ANKRD36C: variants seen among roughly 807,000 people sequenced by gnomAD.
ANKRD36C encodes the protein ankyrin repeat domain 36C.
In ANKRD36C, 61 loss-of-function variants were observed where a neutral mutation model predicts 276.4. The ratio of observed to expected loss-of-function variants is 0.22; its 90% CI spans 0.18 to 0.27. The LOEUF (loss-of-function observed/expected upper bound fraction) is 0.27. Ranked by LOEUF, ANKRD36C falls within the 10% of genes least tolerant of loss-of-function variation. The probability of loss-of-function intolerance (pLI) is 1.00; values close to 1 mark genes in which losing one functional copy is unlikely to be tolerated. For missense variants in ANKRD36C, 1,447 were observed against 2,032.3 expected (o/e 0.71, Z 5.54); for synonymous variants, 483 against 680.1 (o/e 0.71, Z 4.51).
At chr2:95,868,446 CTTCTT>C (rs1164676667) in intron 59 of ANKRD36C, among the ~76,000 whole-genome samples, 1 of 152,104 alleles carries the variant, frequency 6.6e-6, no homozygotes, top group Non-Finnish European at 1.5e-5. Flanking sequence ...ACCTATTTGT[CTTCTT>C]TTATTTCATC....
chr2:95,924,570 C>T (rs1045572006), intron 30 of ANKRD36C, among the ~76,000 whole-genome samples: 3 of 151,536 alleles, frequency 2.0e-5, no homozygotes, highest in African/African-American at 4.8e-5. Context: ...AGAATTTTCA[C>T]TAAATAGCTA....
exon 19 of ANKRD36C, chr2:95,944,630 A>G (rs1406796139): frequency 6.5e-7 from 1 of 1,537,170 alleles, no homozygotes; most frequent in East Asian, 2.4e-5. Flanking sequence ...CATTTACCTT[A>G]TCAACATTTT....
At position 95,926,542 on chromosome 2, in the gene ANKRD36C, T is replaced by C. The variant is rs143341357; in HGVS notation, c.1939+672A>G. On this transcript the variant is annotated intron_variant, in intron 28 of 66. Transcript: ENST00000456556. The stretch of plus-strand genomic sequence containing the variant: ...ATTTGAATAACTAATATCAACAAAA[T>C]GTATATCTCTGATGCCCAACAGTAA... Among the ~76,000 whole-genome samples the C allele has an allele frequency of 0.015, 2,291 of 151,646 alleles. 150 individuals are homozygous for C. The East Asian group carries it at 0.16, about 11-fold the overall frequency.
At chr2:95,886,958 T>C (rs1387524027) in intron 50 of ANKRD36C, among the ~76,000 whole-genome samples, 1 of 151,688 alleles carries the variant, frequency 6.6e-6, no homozygotes, top group Non-Finnish European at 1.5e-5. Context: ...AATTTTGACA[T>C]AATTCTACTA....
chr2:95,947,996 A>G (rs1416752526), intron 17 of ANKRD36C, among the ~76,000 whole-genome samples: 1 of 152,094 alleles, frequency 6.6e-6, no homozygotes, highest in African/African-American at 2.4e-5. Context: ...AAATATATAG[A>G]ACCAAGAATA....
In ANKRD36C at chr2:95,897,191, C is replaced by A; in HGVS notation, c.2755+1954G>T. 4 of 1,153,154 alleles carry A rather than the reference C, an allele frequency of 3.5e-6. 1 individual carries two copies. Among genetic ancestry groups the A allele is most frequent in the East Asian group, 2.7e-5 (1 of 37,056 alleles). 71.4% of individuals were successfully genotyped at this position (1,153,154 alleles called of 1,614,324 possible). On this transcript the variant is annotated intron_variant, in intron 44 of 66. Coordinates refer to ENST00000456556, the Ensembl canonical transcript of ANKRD36C. ...ATCAGAATGTGCAGCTTCAACGAGC[C>A]CCCCGCTGATTTATTCACGGAAGAG...
chr2:95,914,373 T>C lies in ANKRD36C; in HGVS notation c.2450-70A>G, dbSNP rs187691038. 36 of 1,514,136 alleles carry C rather than the reference T, an allele frequency of 2.4e-5. No individual in the cohort carries two copies. In the East Asian group the frequency reaches 7.1e-4, roughly 30 times the overall value. 93.8% of individuals were successfully genotyped at this position (1,514,136 alleles called of 1,614,324 possible). A position where few individuals can be genotyped will look rare whatever the true frequency, so the allele number is the denominator to read the frequency against. ...CAAAATTATCCATACATTCATGCAG[T>C]GTTAGCATCAACCTCTGTCTTCCTG... On this transcript the variant is annotated intron_variant, in intron 38 of 66. Transcript: ENST00000456556.
chr2:95,857,420 T>C lies in ANKRD36C; in HGVS notation c.3969A>G (p.Leu1323=), dbSNP rs1196134182. 3 of 1,609,006 alleles carry C rather than the reference T, an allele frequency of 1.9e-6. No homozygotes were observed. The South Asian group carries it at 3.3e-5, about 18-fold the overall frequency. The change falls in exon 62 of 67, where the codon TTA becomes TTG. Residue 1323 remains leucine (L), a synonymous_variant. Coordinates refer to ENST00000456556, the Ensembl canonical transcript of ANKRD36C. ...TCCTATATTGCTCTTCTGTGATTCT[T>C]AACTTTTCCCTAACTTTTTGGTGCA...
rs554859715 is a variant in ANKRD36C at position 95,928,441 on chromosome 2, G to A, written c.1837+631C>T. 1.1e-4 allele frequency among the ~76,000 whole-genome samples: 16 copies of A among 151,560 alleles called. No homozygotes were observed. In the East Asian group the frequency reaches 1.2e-3, roughly 11 times the overall value. Reference sequence around the variant, plus strand: ...GTAATGAGTCACTGTGGTTTATCCCGATTCTAGCACTCTTTCCTGCTTCCA... The same window carrying A: ...GTAATGAGTCACTGTGGTTTATCCCAATTCTAGCACTCTTTCCTGCTTCCA... On this transcript the variant is annotated intron_variant, in intron 26 of 66. Transcript: ENST00000456556.
chr2:95,893,675 T>C lies in ANKRD36C; in HGVS notation c.2756-1815A>G, dbSNP rs545671374. On this transcript the variant is annotated intron_variant, in intron 44 of 66. Transcript: ENST00000456556. ...AGACCATACATTAACTCGTTCACAA[T>C]ATAAATGAGAGTTTCATTACCTTCA... 15 of 1,603,562 alleles carry C rather than the reference T, an allele frequency of 9.4e-6. No homozygotes were observed. In the South Asian group the frequency reaches 1.1e-4, roughly 12 times the overall value.
chr2:95,906,343 C>T (rs1676757791), intron 42 of ANKRD36C, among the ~76,000 whole-genome samples: 1 of 105,640 alleles, frequency 9.5e-6, no homozygotes, highest in Non-Finnish European at 2.0e-5. Flanking sequence ...TGAAAAGATG[C>T]TCCAGAAATA....
Position 95,871,407 on chromosome 2 carries a change from T to A in ANKRD36C, c.3541-3826A>T, listed in dbSNP as rs369433913. Among the ~76,000 whole-genome samples the A allele has an allele frequency of 4.4e-4, 67 of 152,146 alleles. 1 individual carries two copies. The East Asian group carries it at 9.1e-3, about 21-fold the overall frequency. ...ATTTTCAACCCAGAATTTCATATCC[T>A]GCCAAACTAAGCTTCATAAGTGAAG... is the stretch of plus-strand genomic sequence containing the variant. On this transcript the variant is annotated intron_variant, in intron 59 of 66. Coordinates refer to ENST00000456556, the Ensembl canonical transcript of ANKRD36C.
In ANKRD36C at chr2:95,903,245, T is replaced by G. The variant is rs181677662; in HGVS notation, c.2654-3909A>C. Among the ~76,000 whole-genome samples, 4 of 150,714 alleles carry G rather than the reference T, an allele frequency of 2.7e-5. 1 individual carries two copies. Among genetic ancestry groups the G allele is most frequent in the African/African-American group, 9.7e-5 (4 of 41,204 alleles). ...GGACTAGAACATGACGGAAATATGC[T>G]GAGAAAAGGGAATACAGGCTCCACG... On this transcript the variant is annotated intron_variant, in intron 42 of 66. Transcript: ENST00000456556.
intron 40 of ANKRD36C, among the ~76,000 whole-genome samples, 184 bp downstream of exon 42, chr2:95,913,924 C>T (rs929397974): frequency 6.6e-6 from 1 of 151,440 alleles, no homozygotes; most frequent in Non-Finnish European, 1.5e-5. Context: ...TATAATCTTA[C>T]AGCGAAGATG....
intron 20 of ANKRD36C, 82 bp downstream of exon 20, chr2:95,941,078 C>A: frequency 7.6e-7 from 1 of 1,311,036 alleles, no homozygotes; most frequent in Non-Finnish European, 9.7e-7. Flanking sequence ...CACTACCTCA[C>A]CACCTTTGTT....
chr2:95,927,263 A>G (rs1232073493), exon 28 of ANKRD36C: 1 of 1,610,260 alleles, frequency 6.2e-7, no homozygotes, highest in Admixed American at 1.7e-5. Flanking sequence ...TATTTGAAAC[A>G]GAATCTTTCT....
intron 26 of ANKRD36C, among the ~76,000 whole-genome samples, chr2:95,927,740 C>G (rs1677448029): frequency 6.6e-6 from 1 of 151,616 alleles, no homozygotes; most frequent in South Asian, 2.1e-4. Flanking sequence ...GAATCAATGT[C>G]AAAGCAGGTG....
chr2:95,892,345 G>A (rs1380952578), intron 44 of ANKRD36C, among the ~76,000 whole-genome samples: 1 of 151,448 alleles, frequency 6.6e-6, no homozygotes, highest in African/African-American at 2.4e-5. Flanking sequence ...TCAATTGAAT[G>A]TACCCTTCAC....
chr2:95,865,327 G>A (rs1257859231), intron 60 of ANKRD36C, among the ~76,000 whole-genome samples: 2 of 151,944 alleles, frequency 1.3e-5, no homozygotes, highest in East Asian at 1.9e-4. Context: ...TCCAACAAGC[G>A]AGCAGTCTTT....
Sources: gnomAD v4.1 joint callset for allele counts (sites outside exome capture counted in the v4.1 genomes callset) on GRCh38, gnomAD v4.1.1 for gene constraint, MANE v1.5 for transcripts, NCBI Gene and HGNC (gene_info 2026-07-23, HGNC 2026-07-21) for gene names.